The following COPB1 variants were observed in gnomAD, a reference collection of about 807,000 sequenced individuals.
The protein encoded by COPB1 is coatomer subunit beta.
Under a neutral mutation model 108.7 loss-of-function variants are expected in COPB1, and 21 were observed. The observed-to-expected ratio is 0.19, with a 90% confidence interval of 0.14 to 0.28. The LOEUF (loss-of-function observed/expected upper bound fraction) is 0.28, where lower values mean the gene tolerates loss of function less well. Among genes scored for constraint, COPB1 ranks in the 10% least tolerant of loss-of-function variants. COPB1 has a pLI of 1.00. For missense variants in COPB1, 919 were observed against 1,141.3 expected (o/e 0.81, Z 2.81); for synonymous variants, 378 against 386.8 (o/e 0.98, Z 0.27).
chr11:14,497,958 A>T lies in COPB1; in HGVS notation c.91+880T>A, dbSNP rs112619856. On this transcript the variant is annotated intron_variant, in intron 2 of 21. Transcript: ENST00000439561. Reference sequence around the variant, plus strand: ...AGTCAGGCATAGAAAGACAAACTTCACATGTTCTCACTTATTTGTGGAAGC... The same window carrying T: ...AGTCAGGCATAGAAAGACAAACTTCTCATGTTCTCACTTATTTGTGGAAGC... Among the ~76,000 whole-genome samples the T allele has an allele frequency of 2.6e-5, 4 of 152,354 alleles. No individual in the cohort carries two copies. The East Asian group carries it at 7.7e-4, about 29-fold the overall frequency.
At position 14,469,432 on chromosome 11, in the gene COPB1, A is replaced by C. The variant is rs762703980; in HGVS notation, c.1869T>G (p.Cys623Trp). 6.2e-7 allele frequency: 1 copy of C among 1,614,230 alleles called. No homozygotes were observed. Among genetic ancestry groups the C allele is most frequent in the South Asian group, 1.1e-5 (1 of 91,082 alleles). Residue 623 changes from cysteine to tryptophan, a missense_variant, in exon 15 of 22, where the codon TGT becomes TGG. Physicochemically the swap from Cys to Trp is radical, Grantham distance 215 (BLOSUM62 -2). Around this residue, in one of 5 missense-constraint regions of COPB1, gnomAD observed 705 missense variants for 817.8 expected, o/e 0.86. Coordinates refer to ENST00000439561, the MANE Select transcript of COPB1 (RefSeq NM_001144061.2). Reference sequence around the variant, plus strand: ...TGAAAATGTCATTCATTAAAGGTGAACATTCAGACAAGACCTTGAGGCACA... The same window carrying C: ...TGAAAATGTCATTCATTAAAGGTGACCATTCAGACAAGACCTTGAGGCACA... ...ISLCLKVLSE[C>W]SPLMNDIFNK...
At chr11:14,481,437 G>C (rs557085118) in intron 8 of COPB1, among the ~76,000 whole-genome samples, 1 of 152,140 alleles carries the variant, frequency 6.6e-6, no homozygotes, top group African/African-American at 2.4e-5. Context: ...GCATTTTATA[G>C]TATTACTGGT....
chr11:14,469,035 G>T (rs1012862319), intron 15 of COPB1, among the ~76,000 whole-genome samples, 175 bp from the exon 16 acceptor site: 2 of 151,910 alleles, frequency 1.3e-5, no homozygotes, highest in Non-Finnish European at 2.9e-5. Context: ...TTACTCTGTT[G>T]CCCAGGCGGA....
chr11:14,493,146 C>G (rs1215822798), intron 4 of COPB1, among the ~76,000 whole-genome samples: 2 of 152,084 alleles, frequency 1.3e-5, no homozygotes, highest in Admixed American at 6.6e-5. Context: ...AACTCCATCT[C>G]AAAACAAAAC....
Position 14,474,541 on chromosome 11 carries a change from A to G in COPB1, c.1691T>C (p.Ile564Thr), listed in dbSNP as rs770417601. The change falls in exon 14 of 22, where the codon ATT (isoleucine) becomes ACT (threonine). Residue 564 changes from isoleucine to threonine, a missense_variant. Coordinates refer to ENST00000439561, the MANE Select transcript of COPB1 (RefSeq NM_001144061.2). ...AACCAAAGCTACATAGCGCAATGCA[A>G]TCTTGGTCAGAGTTGTGGCAAGGGA... ...AASLATTLTK[I>T]ALRYVALVQE... 6.2e-7 allele frequency: 1 copy of G among 1,614,070 alleles called. No homozygotes were observed. Among genetic ancestry groups the G allele is most frequent in the South Asian group, 1.1e-5 (1 of 91,082 alleles).
chr11:14,496,011 C>T (rs1282223057), intron 2 of COPB1, among the ~76,000 whole-genome samples: 1 of 152,092 alleles, frequency 6.6e-6, no homozygotes, highest in Non-Finnish European at 1.5e-5. Flanking sequence ...AAATAGACCT[C>T]AATAGAAACC....
intron 7 of COPB1, among the ~76,000 whole-genome samples, chr11:14,485,121 C>T (rs1409278808): frequency 6.6e-6 from 1 of 152,184 alleles, no homozygotes; most frequent in Non-Finnish European, 1.5e-5. Context: ...ATGCCTCAGC[C>T]TTCAGAATAG....
chr11:14,481,644 A>C (rs1453127222), intron 8 of COPB1, among the ~76,000 whole-genome samples: 4 of 152,246 alleles, frequency 2.6e-5, no homozygotes, highest in Non-Finnish European at 4.4e-5. Context: ...CAATTTCGTT[A>C]AATGTGATAT....
At chr11:14,492,710 AATT>A (rs1158296801) in intron 4 of COPB1, among the ~76,000 whole-genome samples, 1 of 152,208 alleles carries the variant, frequency 6.6e-6, no homozygotes, top group Non-Finnish European at 1.5e-5. Flanking sequence ...ATAACTATGA[AATT>A]ATATCTTAAC....
At chr11:14,486,529 C>A (rs368691734) in intron 6 of COPB1, 25 bp from the exon 7 acceptor site, 1 of 1,606,976 alleles carries the variant, frequency 6.2e-7, no homozygotes, top group Non-Finnish European at 8.5e-7. Flanking sequence ...ATTAACATTT[C>A]AACCGATTTC....
At chr11:14,459,270 T>A (rs956860368) in intron 20 of COPB1, among the ~76,000 whole-genome samples, 1 of 152,032 alleles carries the variant, frequency 6.6e-6, no homozygotes, top group African/African-American at 2.4e-5. Flanking sequence ...CTTGACTGCC[T>A]CCCATATCAG....
chr11:14,496,264 A>T (rs890670698), intron 2 of COPB1, among the ~76,000 whole-genome samples: 13 of 150,712 alleles, frequency 8.6e-5, no homozygotes, highest in Non-Finnish European at 1.5e-4. Flanking sequence ...TTAATTATAA[A>T]TTTTTTTTTT....
At chr11:14,489,938 GA>G (rs1314530285) in intron 5 of COPB1, among the ~76,000 whole-genome samples, 2 of 152,066 alleles carry the variant, frequency 1.3e-5, no homozygotes, top group African/African-American at 4.8e-5. Context: ...AGATCTGGGG[GA>G]AAAAAGTCAC....
rs200090734 is a variant in COPB1, at chr11:14,493,768, C to T, written c.365G>A (p.Arg122His). ...TGCTTCTTTCAATTTGCAAAGAAAA[C>T]GAAGAGTAGATCCTCGAATAAATTC... The part of the protein sequence containing the change: ...PNEFIRGSTL[R>H]FLCKLKEAEL... The change falls in exon 4 of 22, where the codon CGT becomes CAT. Residue 122 changes from arginine to histidine, a missense_variant. Physicochemically the swap from Arg to His is conservative, Grantham distance 29. This residue lies in a region of COPB1 where 22 missense variants were observed against 58.8 expected (regional missense o/e 0.37). Coordinates refer to ENST00000439561, the MANE Select transcript of COPB1 (RefSeq NM_001144061.2). The T allele has an allele frequency of 8.1e-6, 13 of 1,612,060 alleles. No individual in the cohort carries two copies. The highest frequency in any genetic ancestry group is 1.1e-5 in the Non-Finnish European group (13 of 1,179,152).
In COPB1 at chr11:14,458,557, T is replaced by C; in HGVS notation, c.2777A>G (p.His926Arg). 2 of 1,611,964 alleles carry C rather than the reference T, an allele frequency of 1.2e-6. No individual in the cohort carries two copies. The highest frequency in any genetic ancestry group is 1.7e-6 in the Non-Finnish European group (2 of 1,179,316). The change falls in exon 21 of 22, where the codon CAT becomes CGT. Residue 926 changes from histidine (H) to arginine (R), a missense_variant. This residue lies in a region of COPB1 where 705 missense variants were observed against 817.8 expected (regional missense o/e 0.86). Transcript: ENST00000439561. The part of the protein sequence containing the change: ...HQGPDAAVTG[H>R]IRIRAKSQGM... ...CTGGCTCTTTGCACGAATTCTTATA[T>C]GGCCGGTAACAGCAGCATCTGGTCC...
At chr11:14,482,244 C>T (rs1850675903) in intron 8 of COPB1, among the ~76,000 whole-genome samples, 1 of 152,050 alleles carries the variant, frequency 6.6e-6, no homozygotes, top group African/African-American at 2.4e-5. Context: ...TCAATCTGTC[C>T]CAATAATGTC....
Position 14,457,776 on chromosome 11 carries a change from G to T in COPB1, c.*48C>A. 2.5e-6 allele frequency: 3 copies of T among 1,183,844 alleles called. No homozygotes were observed. The highest frequency in any genetic ancestry group is 1.2e-5 in the South Asian group (1 of 81,246). The allele number at this position is 1,183,844 out of a possible 1,614,324, so 73.3% of individuals were successfully genotyped here. ...TACAAAAGATGTTGGAGTCCAGTAA[G>T]CCCATACCTAAATTAACTGTAAAGC... On this transcript the variant is annotated 3_prime_UTR_variant, in exon 22 of 22. Coordinates refer to ENST00000439561, the MANE Select transcript of COPB1 (RefSeq NM_001144061.2).
chr11:14,459,340 C>T (rs546847907), intron 20 of COPB1, among the ~76,000 whole-genome samples: 37 of 152,176 alleles, frequency 2.4e-4, no homozygotes, highest in African/African-American at 8.4e-4. Context: ...GCTGAATAAA[C>T]TAATATATAA....
intron 21 of COPB1, 131 bp from the exon 22 acceptor site, chr11:14,458,014 G>T: frequency 2.4e-6 from 1 of 411,914 alleles, no homozygotes; most frequent in Non-Finnish European, 4.3e-6. Context: ...ATACCAAACA[G>T]ACTTACCAAA....
Sources: gnomAD v4.1 joint callset for allele counts (sites outside exome capture counted in the v4.1 genomes callset) on GRCh38, gnomAD v4.1.1 for gene constraint, gnomAD v4.1.1 regional missense constraint, MANE v1.5 for transcripts, NCBI Gene and HGNC (gene_info 2026-07-23, HGNC 2026-07-21) for gene names.